The following MICAL1 variants were observed in gnomAD, a reference collection of about 807,000 sequenced individuals.
The protein encoded by MICAL1 is microtubule associated monooxygenase, calponin and LIM domain containing 1.
MICAL1 carries 95 observed loss-of-function variants against 131.8 expected under a neutral mutation model. The ratio of observed to expected loss-of-function variants is 0.72; its 90% CI spans 0.61 to 0.86. The LOEUF is 0.86. Ranked by LOEUF, MICAL1 falls within the 40% of genes least tolerant of loss-of-function variation. The probability of loss-of-function intolerance (pLI) is 0.00; values close to 1 mark genes in which losing one functional copy is unlikely to be tolerated. For missense variants in MICAL1, 1,292 were observed against 1,380.6 expected (o/e 0.94, Z 1.02); for synonymous variants, 546 against 554.2 (o/e 0.99, Z 0.21).
chr6:109,465,342 G>T, intron 1 of MICAL1: 1 of 350,394 alleles, frequency 2.9e-6, no homozygotes, highest in Admixed American at 4.5e-5. Flanking sequence ...ATTATTAAAA[G>T]GGCAAATTCC....
intron 24 of MICAL1, 73 bp from the exon 25 acceptor site, chr6:109,444,412 G>A: frequency 2.5e-6 from 4 of 1,588,554 alleles, no homozygotes; most frequent in Non-Finnish European, 3.4e-6. Flanking sequence ...CCTAATCCCA[G>A]CCTATGTGAT....
intron 1 of MICAL1, chr6:109,464,579 G>A (rs144040163): frequency 1.7e-4 from 26 of 152,284 alleles, no homozygotes; most frequent in African/African-American, 5.8e-4. Flanking sequence ...TTTTGATGAT[G>A]ATTTAAAAAT....
rs1775179183 is a variant in MICAL1 at position 109,445,627 on chromosome 6, G to GT, written c.2674-99dup. The GT allele has an allele frequency of 1.3e-5, 19 of 1,516,388 alleles. No individual in the cohort carries two copies. The Admixed American group carries it at 1.6e-4, about 13-fold the overall frequency. 93.9% of individuals were successfully genotyped at this position (1,516,388 alleles called of 1,614,324 possible). A position where few individuals can be genotyped will look rare whatever the true frequency, so the allele number is the denominator to read the frequency against. ...AGAAAATAACCCGTGCTGAAGTGGG[G>GT]TAAGCTCTGGTAGAAAAGGTAGAGG... On this transcript the variant is annotated intron_variant, in intron 20 of 24. Transcript: ENST00000358807.
At chr6:109,455,905 C>T (rs1441852638), upstream of MICAL1, 3 of 985,324 alleles carry the variant, frequency 3.0e-6, no homozygotes, top group East Asian at 1.1e-4. This position sits in a 1 kb window ranked among gnomAD's most constrained non-coding sequence, Gnocchi z 4.7. Flanking sequence ...GGGCGCGGGG[C>T]GCCGCCCGGG....
At chr6:109,465,552 G>T in intron 1 of MICAL1, 2 of 1,183,160 alleles carry the variant, frequency 1.7e-6, no homozygotes, top group Non-Finnish European at 2.4e-6. Context: ...AAACCTTACA[G>T]AAAAACTGAG....
intron 5 of MICAL1, 33 bp from the exon 6 acceptor site, chr6:109,452,434 G>A: frequency 6.2e-7 from 1 of 1,612,160 alleles, no homozygotes; most frequent in Non-Finnish European, 8.5e-7. Context: ...AATGGCAGGA[G>A]GAGGGGGTTA....
chr6:109,449,515 T>C (rs1333906309), intron 10 of MICAL1, 34 bp from the exon 11 acceptor site: 1 of 1,613,600 alleles, frequency 6.2e-7, no homozygotes, highest in Admixed American at 1.7e-5. Flanking sequence ...CAAGGCAGGC[T>C]GGCCACACAG....
chr6:109,448,091 C>G, intron 13 of MICAL1, 112 bp downstream of exon 13: 1 of 1,361,720 alleles, frequency 7.3e-7, no homozygotes. Flanking sequence ...CCTTCTTCCT[C>G]TTTCTGACAC....
rs200639528 is a variant in MICAL1 at position 109,447,038 on chromosome 6, C to T, written c.2227+35G>A. On this transcript the variant is annotated intron_variant, in intron 17 of 24. Transcript: ENST00000358807. ...TGTGTCCCCCAAGCAGGGCCAGGCCCAGAGTCTCTCTGGAGGTCTCCCAGG... is the reference window on the plus strand; with the variant it reads ...TGTGTCCCCCAAGCAGGGCCAGGCCTAGAGTCTCTCTGGAGGTCTCCCAGG... 29 of 1,607,176 alleles carry T rather than the reference C, an allele frequency of 1.8e-5. No homozygotes were observed. In the African/African-American group the frequency reaches 3.5e-4, roughly 19 times the overall value.
Position 109,449,000 on chromosome 6 carries a change from AGG to A in MICAL1, c.1517-123_1517-122del, listed in dbSNP as rs1775383706. The A allele has an allele frequency of 6.0e-6, 8 of 1,332,432 alleles. No homozygotes were observed. In the South Asian group the frequency reaches 1.1e-4, roughly 18 times the overall value. 82.5% of individuals were successfully genotyped at this position (1,332,432 alleles called of 1,614,324 possible). ...GAGGAGTCAGGGACCCACCTCTACT[AGG>A]GCACCAGCCTAAAGCTGACTATCAG... is the stretch of plus-strand genomic sequence containing the variant. On this transcript the variant is annotated intron_variant, in intron 11 of 24. Transcript: ENST00000358807.
intron 20 of MICAL1, 25 bp from the exon 21 acceptor site, chr6:109,445,554 G>T (rs1002821552): frequency 1.2e-6 from 2 of 1,610,026 alleles, no homozygotes; most frequent in Non-Finnish European, 1.7e-6. Context: ...GGCCAGTCAG[G>T]GATAGGGCCT....
chr6:109,448,819 G>A lies in MICAL1; in HGVS notation c.1577C>T (p.Pro526Leu), dbSNP rs769412139. The A allele has an allele frequency of 1.2e-5, 20 of 1,613,924 alleles. No individual in the cohort carries two copies. The highest frequency in any genetic ancestry group is 5.3e-5 in the African/African-American group (4 of 74,906). ...AGACAAATCGGAGACGTGGACTCCC[G>A]GGTACCCAGCTGTCTGCTCCTGGCA... ...RWCQEQTAGYPGVHVSDLSSS... is the reference protein window; with the variant it reads ...RWCQEQTAGYLGVHVSDLSSS... The change falls in exon 12 of 25, where the codon CCG (proline) becomes CTG (leucine). Residue 526 changes from proline (P) to leucine (L), a missense_variant. Transcript: ENST00000358807.
In MICAL1 at chr6:109,452,033, CTG is replaced by C. The variant is rs1253993178; in HGVS notation, c.832+211_832+212del. On this transcript the variant is annotated intron_variant, in intron 6 of 24. Coordinates refer to ENST00000358807, the MANE Select transcript of MICAL1 (RefSeq NM_022765.4). ...AAAACTCCCATACACAGGTTCATCTCTGAGAGATTCCAGGACTTTTCATGCTG... is the reference window on the plus strand; with the variant it reads ...AAAACTCCCATACACAGGTTCATCTCAGAGATTCCAGGACTTTTCATGCTG... 2.1e-6 allele frequency: 3 copies of C among 1,409,244 alleles called. No individual in the cohort carries two copies. In the African/African-American group the frequency reaches 4.3e-5, roughly 20 times the overall value. The allele number at this position is 1,409,244 out of a possible 1,614,324, so 87.3% of individuals were successfully genotyped here.
At chr6:109,456,796 CCA>C (rs1206931064), upstream of MICAL1, among the ~76,000 whole-genome samples, 1 of 152,172 alleles carries the variant, frequency 6.6e-6, no homozygotes, top group Non-Finnish European at 1.5e-5. Flanking sequence ...TGCAACAGTC[CCA>C]TTTTACCAAA....
intron 6 of MICAL1, 46 bp from the exon 7 acceptor site, chr6:109,451,746 C>T: frequency 1.2e-6 from 2 of 1,606,888 alleles, no homozygotes; most frequent in South Asian, 1.1e-5. Flanking sequence ...CCTGATAATG[C>T]ATCACCTTCC....
Position 109,446,215 on chromosome 6 carries a change from GGGAGGCTTGGGT to G in MICAL1, c.2490_2501del (p.Pro831_Pro834del). 1 of 1,602,090 alleles carries G rather than the reference GGGAGGCTTGGGT, an allele frequency of 6.2e-7. No individual in the cohort carries two copies. The highest frequency in any genetic ancestry group is 8.5e-7 in the Non-Finnish European group (1 of 1,175,070). On this transcript the variant is annotated inframe_deletion, in exon 19 of 25. Transcript: ENST00000358807. ...GGCGGGCCAAGGCGGAGCAGCTGCGGGGAGGCTTGGGTGGAGGCTCCATTTCCGGGTCAGGGG... is the reference window on the plus strand; with the variant it reads ...GGCGGGCCAAGGCGGAGCAGCTGCGGGGAGGCTCCATTTCCGGGTCAGGGG...
upstream of MICAL1, among the ~76,000 whole-genome samples, chr6:109,459,233 T>C (rs1017184846): frequency 6.6e-6 from 1 of 152,098 alleles, no homozygotes; most frequent in Non-Finnish European, 1.5e-5. Flanking sequence ...CTAATGCAAA[T>C]CCATTCATTC....
rs777816264 is a variant in MICAL1 at position 109,445,828 on chromosome 6, ACT to A, written c.2614_2615del (p.Pro873LeufsTer4). ...CTTCTTCCTCTTCACTGGAGAAGGG[ACT>A]CTCTTTTTCCTCCTTCTCCATGGCC... ...LVAMEKEEKE[S>X]PFSSEEEEED... On this transcript the variant is annotated frameshift_variant, in exon 20 of 25. Transcript: ENST00000358807. LOFTEE classifies it high-confidence loss of function. 36 of 1,610,248 alleles carry A rather than the reference ACT, an allele frequency of 2.2e-5. No individual in the cohort carries two copies. The East Asian group carries it at 5.4e-4, about 24-fold the overall frequency.
chr6:109,444,718 C>T lies in MICAL1; in HGVS notation c.3055+7G>A. On this transcript the variant is annotated splice_region_variant and intron_variant, in intron 24 of 24. Coordinates refer to ENST00000358807, the MANE Select transcript of MICAL1 (RefSeq NM_022765.4). Reference sequence around the variant, plus strand: ...GATGTGTCTGCTTCTCCCCACATTTCACCTACCTTCCCGGTTCATGTAGCC... The same window carrying T: ...GATGTGTCTGCTTCTCCCCACATTTTACCTACCTTCCCGGTTCATGTAGCC... The T allele has an allele frequency of 6.2e-7, 1 of 1,614,038 alleles. No homozygotes were observed. The highest frequency in any genetic ancestry group is 8.5e-7 in the Non-Finnish European group (1 of 1,179,988).
Sources: allele counts gnomAD v4.1 joint callset (sites outside exome capture counted in the v4.1 genomes callset), GRCh38; gene constraint gnomAD v4.1.1; non-coding constraint Gnocchi (gnomAD v3.1); transcripts MANE v1.5; gene names NCBI Gene and HGNC (gene_info 2026-07-23, HGNC 2026-07-21).